The following RMP64 variants were observed in gnomAD, a reference collection of about 807,000 sequenced individuals.
The protein encoded by RMP64 is ribonuclease MRP subunit p64, also known as nucleolus and neural progenitor protein.
the RMP64 span, chr3:113,006,135 AACC>A: frequency 1.7e-5 from 11 of 664,398 alleles, no homozygotes; most frequent in Admixed American, 1.8e-4. Flanking sequence ...ACAATCCCAG[AACC>A]ACATCGAAAA....
At chr3:113,018,830 G>A in the RMP64 span, among the ~76,000 whole-genome samples, 1 of 152,274 alleles carries the variant, frequency 6.6e-6, no homozygotes, top group East Asian at 1.9e-4. Flanking sequence ...ATTTGAAAGT[G>A]AGATCAGTGA....
At chr3:113,012,922 T>C in the RMP64 span, 1 of 714,300 alleles carries the variant, frequency 1.4e-6, no homozygotes, top group South Asian at 1.7e-5. Flanking sequence ...CTTAAAGGTA[T>C]TAAAGCCTTA....
At chr3:113,012,829 G>A in the RMP64 span, 6 of 1,474,244 alleles carry the variant, frequency 4.1e-6, no homozygotes, top group Non-Finnish European at 5.7e-6. Context: ...ATCAATTTAA[G>A]GTAGAAAACA....
chr3:113,012,852 T>C, the RMP64 span: 2 of 1,170,526 alleles, frequency 1.7e-6, no homozygotes, highest in Non-Finnish European at 1.3e-6. Context: ...ATCAAAGTAA[T>C]GTGGGTTTTG....
At chr3:113,013,981 G>C in the RMP64 span, 26 of 1,613,524 alleles carry the variant, frequency 1.6e-5, no homozygotes, top group South Asian at 2.9e-4. Flanking sequence ...AACAGGTCTT[G>C]AATTGAGCCC....
the RMP64 span, chr3:113,011,588 T>C: frequency 1.3e-5 from 6 of 450,650 alleles, no homozygotes; most frequent in Non-Finnish European, 2.4e-5. Context: ...AAAATCCAAG[T>C]ATAAAATGTT....
chr3:113,004,430 C>T, the RMP64 span: 2 of 152,092 alleles, frequency 1.3e-5, no homozygotes, highest in African/African-American at 4.8e-5. Flanking sequence ...AGAAGGCAGA[C>T]AGGGAAAGAA....
chr3:113,005,468 A>G, the RMP64 span: 3 of 996,664 alleles, frequency 3.0e-6, no homozygotes, highest in Admixed American at 5.5e-5. Context: ...TCCAGATCTT[A>G]GCAGTTCTAC....
chr3:113,012,233 C>T, the RMP64 span, among the ~76,000 whole-genome samples: 1 of 152,108 alleles, frequency 6.6e-6, no homozygotes, highest in East Asian at 1.9e-4. Context: ...TAGTCTAGCA[C>T]ATAAGAAGGT....
chr3:113,010,729 T>C, the RMP64 span: 8 of 1,587,522 alleles, frequency 5.0e-6, no homozygotes, highest in Non-Finnish European at 6.9e-6. Context: ...AAATTGCAGA[T>C]ACAAAACCTT....
chr3:113,019,164 G>A, the RMP64 span: 4 of 239,124 alleles, frequency 1.7e-5, no homozygotes, highest in Non-Finnish European at 2.5e-5. Context: ...GGAAAAAGAA[G>A]GAAAGGGGAA....
the RMP64 span, chr3:113,008,250 GTT>G: frequency 1.2e-6 from 2 of 1,614,116 alleles, no homozygotes; most frequent in Non-Finnish European, 1.7e-6. Context: ...TGAGCCTTGA[GTT>G]TTTTGCTCCT....
the RMP64 span, chr3:113,010,540 G>T: frequency 1.1e-6 from 1 of 940,240 alleles, no homozygotes; most frequent in South Asian, 1.5e-5. Context: ...ACTAAGCTTA[G>T]AGCTGGGGAT....
At chr3:113,014,516 A>G in the RMP64 span, 2 of 152,694 alleles carry the variant, frequency 1.3e-5, no homozygotes, top group East Asian at 3.9e-4. Context: ...CCACCACGCC[A>G]GGCTAATTTT....
chr3:113,008,330 T>C, the RMP64 span: 1 of 1,614,140 alleles, frequency 6.2e-7, no homozygotes, highest in East Asian at 2.2e-5. Flanking sequence ...TCGGAATCTT[T>C]GCACAAAACT....
the RMP64 span, chr3:113,014,286 G>A: frequency 5.9e-6 from 2 of 341,650 alleles, no homozygotes; most frequent in Non-Finnish European, 1.1e-5. Flanking sequence ...ATGCCACAAT[G>A]AGCTTGATGT....
the RMP64 span, chr3:113,011,248 G>T: frequency 1.2e-6 from 2 of 1,612,742 alleles, no homozygotes; most frequent in Non-Finnish European, 1.7e-6. Context: ...TTTCTTAAAG[G>T]CTTCAAAATA....
At chr3:113,013,816 A>C in the RMP64 span, 1 of 701,086 alleles carries the variant, frequency 1.4e-6, no homozygotes, top group East Asian at 2.5e-5. Context: ...CAGGTACCCC[A>C]CATTAAAACA....
chr3:113,012,984 CT>C, the RMP64 span: 1 of 617,156 alleles, frequency 1.6e-6, no homozygotes, highest in Non-Finnish European at 2.8e-6. Context: ...TATAAACACT[CT>C]GCTAGAGTTC....
Sources: gnomAD v4.1 joint callset for allele counts (sites outside exome capture counted in the v4.1 genomes callset) on GRCh38, gnomAD v4.1.1 for gene constraint, MANE v1.5 for transcripts, NCBI Gene and HGNC (gene_info 2026-07-23, HGNC 2026-07-21) for gene names.